The following PAFAH1B1 variants were observed in gnomAD, a reference collection of about 807,000 sequenced individuals.
PAFAH1B1 encodes platelet activating factor acetylhydrolase 1b regulatory subunit 1, also known as platelet-activating factor acetylhydrolase IB subunit beta.
PAFAH1B1 carries 2 observed loss-of-function variants against 57.5 expected under a neutral mutation model. The observed-to-expected ratio is 0.03, with a 90% CI of 0.01 to 0.11. PAFAH1B1 has a LOEUF of 0.11. Ranked by LOEUF, PAFAH1B1 falls within the 10% of genes least tolerant of loss-of-function variation. The pLI is 1.00. For missense variants in PAFAH1B1, 257 were observed against 512.0 expected, an observed-to-expected ratio of 0.50 and a Z score of 4.81; for synonymous variants, 152 against 169.6, an observed-to-expected ratio of 0.90 and a Z score of 0.81.
chr17:2,609,546 T>A (rs181378761), intron 1 of PAFAH1B1: 44 of 152,300 alleles, frequency 2.9e-4, no homozygotes, highest in Admixed American at 2.9e-3. Context: ...GGAGTCTCAC[T>A]CTGTTGCCCA....
intron 9 of PAFAH1B1, among the ~76,000 whole-genome samples, chr17:2,679,507 TGGATGGATGGATGGATGATTGGA>T (rs2069337726): frequency 7.6e-6 from 1 of 130,768 alleles, no homozygotes; most frequent in Non-Finnish European, 1.6e-5. Context: ...GATGATTGGA[TGGATGGATGGATGGATGATTGGA>T]TGGATGGATG....
Position 2,602,818 on chromosome 17 carries a change from A to G in PAFAH1B1, c.-191+8812A>G, listed in dbSNP as rs376861232. ...CTTTACAAGTATTCGTTTACTCCTC[A>G]CAACATTCTGGGAGAATTTAGCTAG... is the stretch of plus-strand genomic sequence containing the variant. On this transcript the variant is annotated intron_variant, in intron 1 of 10. Coordinates refer to ENST00000397195, the MANE Select transcript of PAFAH1B1 (RefSeq NM_000430.4). Among the ~76,000 whole-genome samples the G allele has an allele frequency of 1.2e-4, 18 of 152,324 alleles. No homozygotes were observed. In the East Asian group the frequency reaches 1.7e-3, roughly 15 times the overall value.
At chr17:2,616,812 C>G (rs2151619402) in intron 1 of PAFAH1B1, among the ~76,000 whole-genome samples, 1 of 152,202 alleles carries the variant, frequency 6.6e-6, no homozygotes, top group South Asian at 2.1e-4. Context: ...GCCTGTAATC[C>G]CAGCACTTTG....
At chr17:2,677,114 C>G (rs2069282157) in intron 9 of PAFAH1B1, among the ~76,000 whole-genome samples, 1 of 152,156 alleles carries the variant, frequency 6.6e-6, no homozygotes, top group East Asian at 1.9e-4. Flanking sequence ...GATTGTGCCA[C>G]TGCACTCCAG....
chr17:2,676,958 C>A (rs987362189), intron 9 of PAFAH1B1, among the ~76,000 whole-genome samples: 1 of 151,860 alleles, frequency 6.6e-6, no homozygotes, highest in African/African-American at 2.4e-5. Flanking sequence ...GTCAGGAGAT[C>A]GAGCTAACTT....
At chr17:2,615,437 ACTTT>A (rs1438497469) in intron 1 of PAFAH1B1, among the ~76,000 whole-genome samples, 34 of 152,140 alleles carry the variant, frequency 2.2e-4, no homozygotes, top group South Asian at 1.2e-3. Context: ...AAAGTAGGAA[ACTTT>A]CTTTCTTTCT....
chr17:2,669,869 G>A (rs2069157434), intron 5 of PAFAH1B1, among the ~76,000 whole-genome samples: 1 of 151,930 alleles, frequency 6.6e-6, no homozygotes, highest in South Asian at 2.1e-4. Flanking sequence ...TCTGAGACAG[G>A]GAGCGGACTA....
intron 2 of PAFAH1B1, among the ~76,000 whole-genome samples, chr17:2,651,012 A>T (rs891813835): frequency 1.3e-5 from 2 of 152,148 alleles, no homozygotes; most frequent in South Asian, 2.1e-4. Context: ...TGACTACATA[A>T]GTATTCACTT....
intron 2 of PAFAH1B1, among the ~76,000 whole-genome samples, chr17:2,654,729 C>A (rs1056854411): frequency 6.6e-6 from 1 of 152,068 alleles, no homozygotes; most frequent in Non-Finnish European, 1.5e-5. Flanking sequence ...GCAGCCTCCG[C>A]CTCCCGGGCT....
chr17:2,678,418 A>AC (rs2069307555), intron 9 of PAFAH1B1, among the ~76,000 whole-genome samples: 1 of 147,738 alleles, frequency 6.8e-6, no homozygotes, highest in Non-Finnish European at 1.5e-5. Flanking sequence ...AAAAAAAAAA[A>AC]ACCCGGGCAT....
chr17:2,675,574 G>A (rs2069250107), intron 8 of PAFAH1B1, among the ~76,000 whole-genome samples: 1 of 152,026 alleles, frequency 6.6e-6, no homozygotes, highest in Non-Finnish European at 1.5e-5. Flanking sequence ...AGTCAAGGCA[G>A]GAGGATCACT....
intron 1 of PAFAH1B1, among the ~76,000 whole-genome samples, chr17:2,627,065 TC>T (rs2068503611): frequency 6.6e-6 from 1 of 152,236 alleles, no homozygotes; most frequent in African/African-American, 2.4e-5. Flanking sequence ...TGCTGATTGT[TC>T]CTTTTGCCAT....
At chr17:2,663,619 G>C (rs1342167095) in intron 2 of PAFAH1B1, among the ~76,000 whole-genome samples, 1 of 151,882 alleles carries the variant, frequency 6.6e-6, no homozygotes, top group African/African-American at 2.4e-5. Flanking sequence ...TGAAGTTAAA[G>C]GTTCTACATT....
chr17:2,594,709 C>T (rs980685160), intron 1 of PAFAH1B1, among the ~76,000 whole-genome samples: 2 of 152,236 alleles, frequency 1.3e-5, no homozygotes, highest in African/African-American at 4.8e-5. Context: ...GATTTTCTTT[C>T]TGCCACCGGC....
At chr17:2,672,789 GC>G in intron 7 of PAFAH1B1, 32 bp downstream of exon 7, 1 of 1,371,464 alleles carries the variant, frequency 7.3e-7, no homozygotes, top group Non-Finnish European at 1.0e-6. Context: ...GGCATCAGCG[GC>G]CAGGTGCAGT....
chr17:2,604,610 A>G (rs534950916), intron 1 of PAFAH1B1, among the ~76,000 whole-genome samples: 20 of 152,276 alleles, frequency 1.3e-4, no homozygotes, highest in South Asian at 8.3e-4. Flanking sequence ...CAGGAGTTCG[A>G]GACCAGCCTG....
intron 1 of PAFAH1B1, among the ~76,000 whole-genome samples, chr17:2,615,161 T>A (rs1404728454): frequency 6.6e-6 from 1 of 152,222 alleles, no homozygotes; most frequent in Non-Finnish European, 1.5e-5. Flanking sequence ...TTTTTTTAGG[T>A]ATTCTAAGTA....
At chr17:2,610,495 A>G (rs2068255459) in intron 1 of PAFAH1B1, among the ~76,000 whole-genome samples, 1 of 152,224 alleles carries the variant, frequency 6.6e-6, no homozygotes, top group Non-Finnish European at 1.5e-5. Flanking sequence ...ATAGTTCAGA[A>G]AGATAACTAA....
intron 2 of PAFAH1B1, chr17:2,640,810 A>C (rs1221103442): frequency 6.6e-6 from 1 of 152,138 alleles, no homozygotes; most frequent in Non-Finnish European, 1.5e-5. Context: ...ATTCTTCTTA[A>C]GAGAGTTGGA....
Sources: gnomAD v4.1 joint callset for allele counts (sites outside exome capture counted in the v4.1 genomes callset) on GRCh38, gnomAD v4.1.1 for gene constraint, MANE v1.5 for transcripts, NCBI Gene and HGNC (gene_info 2026-07-23, HGNC 2026-07-21) for gene names.